The following RASSF3 variants were observed in gnomAD, a reference collection of about 807,000 sequenced individuals.
RASSF3 encodes the protein ras association domain-containing protein 3.
In RASSF3, 19 loss-of-function variants were observed where a neutral mutation model predicts 19.9. That is an observed-to-expected ratio of 0.96 (90% CI 0.67 to 1.40). RASSF3 has a LOEUF of 1.40. Ranked by LOEUF, RASSF3 falls within the 40% of genes most tolerant of loss-of-function variation. The probability of loss-of-function intolerance (pLI) is 0.00; values close to 1 mark genes in which losing one functional copy is unlikely to be tolerated. For missense variants in RASSF3, 306 were observed against 289.8 expected (o/e 1.06, Z -0.41); for synonymous variants, 110 against 104.2 (o/e 1.06, Z -0.34).
intron 2 of RASSF3, among the ~76,000 whole-genome samples, chr12:64,547,019 A>G (rs547630288): frequency 2.7e-4 from 41 of 152,224 alleles, no homozygotes; most frequent in African/African-American, 9.9e-4. Flanking sequence ...CACACCTGTA[A>G]TCCCAACATT....
At chr12:64,542,945 G>A (rs1868959593), downstream of RASSF3, among the ~76,000 whole-genome samples, 1 of 152,112 alleles carries the variant, frequency 6.6e-6, no homozygotes, top group Non-Finnish European at 1.5e-5. Flanking sequence ...AGGCACGGGC[G>A]GGAACCGGGG....
At position 64,671,183 on chromosome 12, in the gene RASSF3, G is replaced by A. The variant is rs572556379; in HGVS notation, c.112-13604G>A. Among the ~76,000 whole-genome samples, 4 of 152,282 alleles carry A rather than the reference G, an allele frequency of 2.6e-5. No individual in the cohort carries two copies. In the South Asian group the frequency reaches 8.3e-4, roughly 32 times the overall value. On this transcript the variant is annotated intron_variant, in intron 1 of 4. Transcript: ENST00000542104. The stretch of plus-strand genomic sequence containing the variant: ...TGTCTGGTTTTGGATGAGGGACCAG[G>A]AAAGAAAGGGAGGCAGGATAGGGGA...
At position 64,519,060 on chromosome 12, in the gene RASSF3, T is replaced by A. The variant is rs529249048; in HGVS notation, c.169+11731T>A. ...ACATGATTGATCATGCATGGGTATATGATTTGAAGTCCTTTCTCCCACCTC... is the reference window on the plus strand; with the variant it reads ...ACATGATTGATCATGCATGGGTATAAGATTTGAAGTCCTTTCTCCCACCTC... On this transcript the variant is annotated intron_variant, in intron 1 of 5. Transcript: ENST00000637125. 5.3e-5 allele frequency among the ~76,000 whole-genome samples: 8 copies of A among 152,322 alleles called. 1 individual carries two copies. The highest frequency in any genetic ancestry group is 3.9e-4 in the Admixed American group (6 of 15,290).
chr12:64,657,975 C>T (rs962013881), intron 1 of RASSF3, among the ~76,000 whole-genome samples: 3 of 152,036 alleles, frequency 2.0e-5, no homozygotes, highest in African/African-American at 7.3e-5. Flanking sequence ...TCATTTTAGC[C>T]CAGGAAGTTG....
At chr12:64,635,144 G>C (rs1390480831) in intron 1 of RASSF3, among the ~76,000 whole-genome samples, 2 of 151,840 alleles carry the variant, frequency 1.3e-5, no homozygotes, top group Admixed American at 1.3e-4. Context: ...TGGAGAGATA[G>C]GGTTTTGACA....
At chr12:64,578,692 T>C (rs1362786610) in intron 2 of RASSF3, among the ~76,000 whole-genome samples, 1 of 152,116 alleles carries the variant, frequency 6.6e-6, no homozygotes, top group Non-Finnish European at 1.5e-5. Context: ...GCTAAATAAA[T>C]ACCCAAGGTC....
At chr12:64,513,562 G>C (rs1037975740) in intron 1 of RASSF3, among the ~76,000 whole-genome samples, 5 of 152,046 alleles carry the variant, frequency 3.3e-5, no homozygotes, top group African/African-American at 1.2e-4. Context: ...AAAGGAGATT[G>C]TGATCAGCAT....
At chr12:64,650,047 C>T (rs550265104) in intron 1 of RASSF3, among the ~76,000 whole-genome samples, 9 of 152,318 alleles carry the variant, frequency 5.9e-5, no homozygotes, top group East Asian at 1.9e-4. Context: ...CCCAAATTTA[C>T]GCACCAGCAT....
At chr12:64,623,683 C>T (rs1227866478) in intron 1 of RASSF3, among the ~76,000 whole-genome samples, 1 of 152,104 alleles carries the variant, frequency 6.6e-6, no homozygotes, top group African/African-American at 2.4e-5. Context: ...CACTCTGTCA[C>T]CCAGGCTGGA....
At chr12:64,511,513 T>C (rs1868328050) in intron 1 of RASSF3, among the ~76,000 whole-genome samples, 1 of 152,050 alleles carries the variant, frequency 6.6e-6, no homozygotes, top group South Asian at 2.1e-4. Flanking sequence ...AAATTTGAGA[T>C]CTAGACTCTC....
intron 2 of RASSF3, among the ~76,000 whole-genome samples, chr12:64,579,275 T>C (rs1311439665): frequency 6.6e-6 from 1 of 151,954 alleles, no homozygotes; most frequent in Non-Finnish European, 1.5e-5. Context: ...GAAATAATCA[T>C]ATTTAAGTTA....
intron 1 of RASSF3, among the ~76,000 whole-genome samples, chr12:64,660,160 C>A (rs537715495): frequency 6.6e-6 from 1 of 151,682 alleles, no homozygotes; most frequent in Admixed American, 6.6e-5. Flanking sequence ...TCAAGTGATC[C>A]GCCCGCCTCT....
At chr12:64,627,466 C>T (rs1454511076) in intron 1 of RASSF3, among the ~76,000 whole-genome samples, 1 of 152,122 alleles carries the variant, frequency 6.6e-6, no homozygotes, top group African/African-American at 2.4e-5. Context: ...TTAAGCCTTC[C>T]AGATTATCCT....
At chr12:64,561,511 T>C (rs1869346440) in intron 2 of RASSF3, among the ~76,000 whole-genome samples, 2 of 152,020 alleles carry the variant, frequency 1.3e-5, no homozygotes, top group Non-Finnish European at 1.5e-5. Flanking sequence ...CACCACCTCA[T>C]TTCTAAAAGC....
chr12:64,693,112 G>T (rs1353207846), intron 4 of RASSF3, among the ~76,000 whole-genome samples: 1 of 148,700 alleles, frequency 6.7e-6, no homozygotes, highest in Admixed American at 6.7e-5. Context: ...ATATTCTAAC[G>T]TAGAAGTTTT....
rs573748601 is a variant in RASSF3 at position 64,695,033 on chromosome 12, T to C, written c.*121T>C. Reference sequence around the variant, plus strand: ...ATGCTAGGGTCTTCGCCTTTCTATCTGTAGATTTTGTTCCCCAAACCTGGT... The same window carrying C: ...ATGCTAGGGTCTTCGCCTTTCTATCCGTAGATTTTGTTCCCCAAACCTGGT... On this transcript the variant is annotated 3_prime_UTR_variant, in exon 5 of 5. Transcript: ENST00000542104. The C allele has an allele frequency of 9.2e-6, 10 of 1,082,738 alleles. No homozygotes were observed. In the African/African-American group the frequency reaches 1.4e-4, roughly 16 times the overall value. 67.1% of individuals were successfully genotyped at this position (1,082,738 alleles called of 1,614,324 possible). A position where few individuals can be genotyped will look rare whatever the true frequency, so the allele number is the denominator to read the frequency against.
chr12:64,633,859 A>C (rs769646132), intron 1 of RASSF3, among the ~76,000 whole-genome samples: 2 of 152,108 alleles, frequency 1.3e-5, no homozygotes, highest in East Asian at 1.9e-4. Flanking sequence ...ATATGGACCA[A>C]GTGGGGTGGC....
intron 1 of RASSF3, among the ~76,000 whole-genome samples, chr12:64,614,592 C>G (rs1429322295): frequency 6.6e-6 from 1 of 152,120 alleles, no homozygotes; most frequent in Non-Finnish European, 1.5e-5. Context: ...AAATTACACT[C>G]TCTATTTTGT....
chr12:64,617,784 C>A (rs1194222029), intron 1 of RASSF3, among the ~76,000 whole-genome samples: 1 of 152,088 alleles, frequency 6.6e-6, no homozygotes. Context: ...GTCTTGAACT[C>A]CTGACCTTGT....
Sources: allele counts gnomAD v4.1 joint callset (sites outside exome capture counted in the v4.1 genomes callset), GRCh38; gene constraint gnomAD v4.1.1; transcripts MANE v1.5; gene names NCBI Gene and HGNC (gene_info 2026-07-23, HGNC 2026-07-21).